Variants in CACNA2D2 observed in about 807,000 individuals in gnomAD.
CACNA2D2 encodes the protein voltage-dependent calcium channel subunit alpha-2/delta-2.
In CACNA2D2, 48 loss-of-function variants were observed where a neutral mutation model predicts 166.4. That is an observed-to-expected ratio of 0.29 (90% CI 0.23 to 0.37). CACNA2D2 has a LOEUF of 0.37. Ranked by LOEUF, CACNA2D2 falls within the 10% of genes least tolerant of loss-of-function variation. The pLI, the probability that CACNA2D2 is intolerant of heterozygous loss-of-function variation, is 1.00. For missense variants in CACNA2D2, 1,122 were observed against 1,433.0 expected (o/e 0.78, Z 3.50); for synonymous variants, 561 against 573.7 (o/e 0.98, Z 0.32).
chr3:50,449,090 T>G (rs1708989782), intron 2 of CACNA2D2, among the ~76,000 whole-genome samples: 1 of 152,218 alleles, frequency 6.6e-6, no homozygotes, highest in East Asian at 1.9e-4. Flanking sequence ...AAAGCCCAGT[T>G]TCCTAAAAGC....
intron 13 of CACNA2D2, 61 bp from the exon 14 acceptor site, chr3:50,378,394 G>A (rs1489243574): frequency 6.7e-7 from 1 of 1,503,450 alleles, no homozygotes; most frequent in East Asian, 2.5e-5. Context: ...ATGTGCAGAG[G>A]GCCCTGCCCC....
intron 6 of CACNA2D2, among the ~76,000 whole-genome samples, chr3:50,382,918 G>A (rs1162981961): frequency 2.6e-5 from 4 of 152,146 alleles, no homozygotes; most frequent in African/African-American, 4.8e-5. Flanking sequence ...GCACACTCGC[G>A]CAAACACCCC....
intron 3 of CACNA2D2, among the ~76,000 whole-genome samples, chr3:50,423,745 C>T (rs1314450736): frequency 2.0e-5 from 3 of 152,206 alleles, no homozygotes; most frequent in East Asian, 1.9e-4. Flanking sequence ...ACAAAGGGCC[C>T]GACAACCGTG....
chr3:50,461,270 C>T (rs1440200260), intron 2 of CACNA2D2, among the ~76,000 whole-genome samples: 1 of 152,234 alleles, frequency 6.6e-6, no homozygotes, highest in African/African-American at 2.4e-5. Context: ...CATAGCAACT[C>T]AAGAAGCTGG....
chr3:50,397,219 C>T (rs547090886), intron 3 of CACNA2D2, among the ~76,000 whole-genome samples: 4 of 152,368 alleles, frequency 2.6e-5, no homozygotes, highest in East Asian at 1.9e-4. Flanking sequence ...TCGTGAATAA[C>T]GGAGTCGTAA....
At chr3:50,445,894 C>T (rs1461436377) in intron 2 of CACNA2D2, among the ~76,000 whole-genome samples, 1 of 152,134 alleles carries the variant, frequency 6.6e-6, no homozygotes, top group Non-Finnish European at 1.5e-5. Context: ...CCCTTCTGTA[C>T]CTCAGTTCCC....
intron 1 of CACNA2D2, among the ~76,000 whole-genome samples, chr3:50,501,493 G>A (rs574007142): frequency 3.8e-4 from 57 of 151,296 alleles, no homozygotes; most frequent in Non-Finnish European, 6.8e-4. Context: ...TGTCGCTGCC[G>A]TCACACCCGC....
rs187061542 is a variant in CACNA2D2, at chr3:50,404,902, T to C, written c.406-10734A>G. ...GAATGGCACCGTCACTGGAAGAATT[T>C]AGGGTGCTAGGAAGCTCCCCTGCAT... is the stretch of plus-strand genomic sequence containing the variant. On this transcript the variant is annotated intron_variant, in intron 3 of 37. Transcript: ENST00000424201. Among the ~76,000 whole-genome samples, 260 of 152,272 alleles carry C rather than the reference T, an allele frequency of 1.7e-3. 2 individuals carry two copies. The highest frequency in any genetic ancestry group is 0.011 in the East Asian group (57 of 5,180).
intron 1 of CACNA2D2, among the ~76,000 whole-genome samples, chr3:50,492,530 C>T (rs1208799536): frequency 7.2e-5 from 11 of 152,214 alleles, no homozygotes; most frequent in Admixed American, 7.2e-4. Flanking sequence ...CTCGGTTTCC[C>T]CATCTGTACC....
chr3:50,419,283 C>T (rs1268520732), intron 3 of CACNA2D2, among the ~76,000 whole-genome samples: 1 of 152,144 alleles, frequency 6.6e-6, no homozygotes, highest in Non-Finnish European at 1.5e-5. Flanking sequence ...CGGATCACTG[C>T]CTCGGAAAGG....
chr3:50,461,758 A>G (rs1485598632), intron 2 of CACNA2D2, among the ~76,000 whole-genome samples: 5 of 117,528 alleles, frequency 4.3e-5, no homozygotes, highest in Non-Finnish European at 7.2e-5. Flanking sequence ...AAAAAAAAAA[A>G]AAAAAGAAAA....
chr3:50,466,536 T>G (rs1709836155), intron 2 of CACNA2D2, among the ~76,000 whole-genome samples: 1 of 152,188 alleles, frequency 6.6e-6, no homozygotes, highest in South Asian at 2.1e-4. Flanking sequence ...CACATGTTAC[T>G]TACAGCACTG....
In CACNA2D2 at chr3:50,387,589, G is replaced by C. The variant is rs1172551444; in HGVS notation, c.489C>G (p.Asp163Glu). Residue 163 changes from aspartate (D) to glutamate (E), a missense_variant, in exon 5 of 38, where the codon GAC becomes GAG. Asp to Glu is a conservative substitution (Grantham distance 45). Transcript: ENST00000424201. Reference sequence around the variant, plus strand: ...TCACCAGCTCAGCGTCAGCCTTGGCGTCATAGTACACGATGTCTTCCTCCT... The same window carrying C: ...TCACCAGCTCAGCGTCAGCCTTGGCCTCATAGTACACGATGTCTTCCTCCT... ...NIKEEDIVYY[D>E]AKADAELDDP... The C allele has an allele frequency of 6.2e-7, 1 of 1,613,664 alleles. No homozygotes were observed. The highest frequency in any genetic ancestry group is 8.5e-7 in the Non-Finnish European group (1 of 1,179,756).
chr3:50,362,772 C>G lies in CACNA2D2; in HGVS notation c.*1894G>C, dbSNP rs1575573332. The G allele has an allele frequency of 5.9e-6, 1 of 169,610 alleles. No individual in the cohort carries two copies. The highest frequency in any genetic ancestry group is 1.2e-5 in the Non-Finnish European group (1 of 80,214). The allele number at this position is 169,610 out of a possible 1,614,324, so 10.5% of individuals were successfully genotyped here. A position where few individuals can be genotyped will look rare whatever the true frequency, so the allele number is the denominator to read the frequency against. Reference sequence around the variant, plus strand: ...CTTCATAGCTACCCAGTCCTCACCCCCAAGCTGATACAGTGGATGGGAACC... The same window carrying G: ...CTTCATAGCTACCCAGTCCTCACCCGCAAGCTGATACAGTGGATGGGAACC... On this transcript the variant is annotated 3_prime_UTR_variant, in exon 38 of 38. Transcript: ENST00000424201.
chr3:50,412,894 G>A (rs1005682458), intron 3 of CACNA2D2, among the ~76,000 whole-genome samples: 1 of 152,080 alleles, frequency 6.6e-6, no homozygotes, highest in South Asian at 2.1e-4. Context: ...ATCTCAGCCT[G>A]GGGGGGTGCT....
At position 50,427,058 on chromosome 3, in the gene CACNA2D2, T is replaced by G. The variant is rs1354458485; in HGVS notation, c.405+7255A>C. Among the ~76,000 whole-genome samples the G allele has an allele frequency of 6.6e-6, 1 of 152,076 alleles. No individual in the cohort carries two copies. Among genetic ancestry groups the G allele is most frequent in the Non-Finnish European group, 1.5e-5 (1 of 67,984 alleles). Reference sequence around the variant, plus strand: ...CACACTCATGTCCAGCTGTTGGGGGTAGCGTCTTTGCCCAAGGCTCACGCT... The same window carrying G: ...CACACTCATGTCCAGCTGTTGGGGGGAGCGTCTTTGCCCAAGGCTCACGCT... On this transcript the variant is annotated intron_variant, in intron 3 of 37. Transcript: ENST00000424201. The surrounding 1 kb of genome is among the most constrained non-coding windows in gnomAD (Gnocchi z 4.7).
chr3:50,461,866 G>A (rs1371481558), intron 2 of CACNA2D2, among the ~76,000 whole-genome samples: 1 of 152,144 alleles, frequency 6.6e-6, no homozygotes, highest in Non-Finnish European at 1.5e-5. Flanking sequence ...ATGAAAGAGG[G>A]GACTCCAACC....
At chr3:50,399,436 T>C (rs1706330665) in intron 3 of CACNA2D2, among the ~76,000 whole-genome samples, 1 of 152,166 alleles carries the variant, frequency 6.6e-6, no homozygotes, top group Admixed American at 6.5e-5. Flanking sequence ...TCTAGGGCAC[T>C]GAGGGCTGAG....
At chr3:50,472,955 G>A (rs767445505) in intron 2 of CACNA2D2, among the ~76,000 whole-genome samples, 1 of 152,230 alleles carries the variant, frequency 6.6e-6, no homozygotes, top group African/African-American at 2.4e-5. Context: ...GCTCTGCAGG[G>A]GGACATCACA....
Sources: allele counts gnomAD v4.1 joint callset (sites outside exome capture counted in the v4.1 genomes callset), GRCh38; gene constraint gnomAD v4.1.1; non-coding constraint Gnocchi (gnomAD v3.1); transcripts MANE v1.5; gene names NCBI Gene and HGNC (gene_info 2026-07-23, HGNC 2026-07-21).